Variants in REXO2 observed in about 807,000 individuals in gnomAD.
REXO2 encodes the protein RNA exonuclease 2, also known as oligoribonuclease, mitochondrial.
A neutral mutation model predicts 30.9 loss-of-function variants in REXO2; 17 were observed. The observed-to-expected ratio is 0.55, with a 90% CI of 0.38 to 0.82. The LOEUF is 0.82. Ranked by LOEUF, REXO2 falls within the 40% of genes least tolerant of loss-of-function variation. The pLI is 0.00. For synonymous variants in REXO2, 105 were observed against 99.6 expected, an observed-to-expected ratio of 1.05 and a Z score of -0.32; for missense variants, 253 against 293.2, an observed-to-expected ratio of 0.86 and a Z score of 1.00.
chr11:114,440,557 A>G (rs984043345), intron 1 of REXO2, 99 bp from the exon 2 acceptor site: 8 of 882,960 alleles, frequency 9.1e-6, no homozygotes, highest in Admixed American at 4.1e-5. Context: ...TATGGATTAC[A>G]AGCTGACTAT....
Position 114,450,089 on chromosome 11 carries a change from G to T in REXO2, c.*114G>T. ...TTCGGTTAACTTGCATCTCCAGATT[G>T]ATTACTCAAGCAGACAGCACACGAA... On this transcript the variant is annotated 3_prime_UTR_variant, in exon 7 of 7. Transcript: ENST00000265881. 1 of 1,046,862 alleles carries T rather than the reference G, an allele frequency of 9.6e-7. No homozygotes were observed. The allele number at this position is 1,046,862 out of a possible 1,614,324, so 64.8% of individuals were successfully genotyped here. A position where few individuals can be genotyped will look rare whatever the true frequency, so the allele number is the denominator to read the frequency against.
At chr11:114,441,209 T>A (rs988809345) in intron 2 of REXO2, among the ~76,000 whole-genome samples, 2 of 152,190 alleles carry the variant, frequency 1.3e-5, no homozygotes, top group African/African-American at 2.4e-5. Flanking sequence ...AAGGTGCTCC[T>A]AACAAGTAGG....
At chr11:114,447,787 G>T in intron 5 of REXO2, 39 bp from the exon 6 acceptor site, 2 of 1,562,298 alleles carry the variant, frequency 1.3e-6, no homozygotes, top group South Asian at 1.1e-5. Flanking sequence ...GTATATTTGA[G>T]ACAGCTTCCT....
chr11:114,440,930 A>G (rs1946472977), intron 2 of REXO2, 191 bp downstream of exon 2: 4 of 438,906 alleles, frequency 9.1e-6, no homozygotes, highest in Non-Finnish European at 8.0e-6. Flanking sequence ...AAAATTAAAA[A>G]TTAAACATTA....
At position 114,440,999 on chromosome 11, in the gene REXO2, G is replaced by A. The variant is rs946159760; in HGVS notation, c.231+260G>A. 8 of 337,646 alleles carry A rather than the reference G, an allele frequency of 2.4e-5. No individual in the cohort carries two copies. In the South Asian group the frequency reaches 3.0e-4, roughly 13 times the overall value. 20.9% of individuals were successfully genotyped at this position (337,646 alleles called of 1,614,324 possible). Reference sequence around the variant, plus strand: ...ACATAAATTCTGTCGTTTACTGAGCGCTTACTGTATGCCAGCTACAGTTTC... The same window carrying A: ...ACATAAATTCTGTCGTTTACTGAGCACTTACTGTATGCCAGCTACAGTTTC... On this transcript the variant is annotated intron_variant, in intron 2 of 6. Transcript: ENST00000265881.
chr11:114,442,004 G>T, intron 2 of REXO2: 1 of 535,092 alleles, frequency 1.9e-6, no homozygotes, highest in East Asian at 3.0e-5. Context: ...GAAGAAGAGT[G>T]TTTCCTTTAG....
chr11:114,449,764 G>T (rs774900706), intron 6 of REXO2, 82 bp from the exon 7 acceptor site: 2 of 1,448,896 alleles, frequency 1.4e-6, no homozygotes, highest in Admixed American at 2.3e-5. Flanking sequence ...TTCTTAAGTC[G>T]TTTTTTAAAA....
intron 2 of REXO2, among the ~76,000 whole-genome samples, chr11:114,443,026 A>G (rs1034649318): frequency 4.6e-5 from 7 of 152,090 alleles, no homozygotes; most frequent in African/African-American, 9.7e-5. Context: ...GTTTATATAA[A>G]TGCGTGTTTT....
In REXO2 at chr11:114,439,484, C is replaced by T; in HGVS notation, c.-45C>T. On this transcript the variant is annotated 5_prime_UTR_variant, in exon 1 of 7. Coordinates refer to ENST00000265881, the MANE Select transcript of REXO2 (RefSeq NM_015523.4). ...CGTTTAGCGACTATTGCGCCTGCGC[C>T]AGCGCCGGCTGCGAGACTGGGGCCG... 1.3e-6 allele frequency: 2 copies of T among 1,594,182 alleles called. No individual in the cohort carries two copies. Among genetic ancestry groups the T allele is most frequent in the Non-Finnish European group, 1.7e-6 (2 of 1,176,716 alleles).
chr11:114,444,730 C>A, intron 4 of REXO2, 78 bp downstream of exon 4: 1 of 833,646 alleles, frequency 1.2e-6, no homozygotes, highest in Non-Finnish European at 1.7e-6. Flanking sequence ...GAAAGACTAG[C>A]CGAGCCCATC....
chr11:114,442,284 G>A (rs1029788874), intron 2 of REXO2, among the ~76,000 whole-genome samples: 1 of 152,080 alleles, frequency 6.6e-6, no homozygotes, highest in East Asian at 1.9e-4. Flanking sequence ...TTTTTCTGTA[G>A]GTGTGGTCCC....
In REXO2 at chr11:114,440,865, T is replaced by C. The variant is rs199757664; in HGVS notation, c.231+126T>C. 1.0e-4 allele frequency: 66 copies of C among 649,276 alleles called. 1 individual carries two copies. In the East Asian group the frequency reaches 1.8e-3, roughly 18 times the overall value. 40.2% of individuals were successfully genotyped at this position (649,276 alleles called of 1,614,324 possible). On this transcript the variant is annotated intron_variant, in intron 2 of 6. Coordinates refer to ENST00000265881, the MANE Select transcript of REXO2 (RefSeq NM_015523.4). Reference sequence around the variant, plus strand: ...GTCTATATGGGTTAAGGTAATGTGCTAGGTCATGGTAGGGGTGGTACTAGA... The same window carrying C: ...GTCTATATGGGTTAAGGTAATGTGCCAGGTCATGGTAGGGGTGGTACTAGA...
intron 2 of REXO2, chr11:114,441,056 T>C (rs1946474316): frequency 4.8e-6 from 1 of 206,286 alleles, no homozygotes; most frequent in Non-Finnish European, 9.6e-6. Flanking sequence ...TTCTTAGTTC[T>C]CACAGCAACT....
rs556436785 is a variant in REXO2, at chr11:114,450,207, A to G, written c.*232A>G. The G allele has an allele frequency of 3.8e-6, 1 of 260,794 alleles. No individual in the cohort carries two copies. Among genetic ancestry groups the G allele is most frequent in the East Asian group, 8.8e-5 (1 of 11,376 alleles). 16.2% of individuals were successfully genotyped at this position (260,794 alleles called of 1,614,324 possible). A position where few individuals can be genotyped will look rare whatever the true frequency, so the allele number is the denominator to read the frequency against. On this transcript the variant is annotated 3_prime_UTR_variant, in exon 7 of 7. Transcript: ENST00000265881. ...TGTCCATCCCTTGGTACATATATGC[A>G]TTTGCTTTTAAACCATTTCTTTTGT...
In REXO2 at chr11:114,444,537, G is replaced by A; in HGVS notation, c.310-4G>A. 6.3e-7 allele frequency: 1 copy of A among 1,598,594 alleles called. No individual in the cohort carries two copies. Among genetic ancestry groups the A allele is most frequent in the Non-Finnish European group, 8.5e-7 (1 of 1,170,290 alleles). On this transcript the variant is annotated splice_polypyrimidine_tract_variant and splice_region_variant and intron_variant, in intron 3 of 6. Transcript: ENST00000265881. Reference sequence around the variant, plus strand: ...GGTGGGGGGCTGGGGATTCTCTCTTGCAGTCTGGCCTTACCAAGGCAGTGA... The same window carrying A: ...GGTGGGGGGCTGGGGATTCTCTCTTACAGTCTGGCCTTACCAAGGCAGTGA...
intron 2 of REXO2, chr11:114,441,785 T>A: frequency 1.4e-6 from 1 of 702,244 alleles, no homozygotes; most frequent in Non-Finnish European, 2.6e-6. Flanking sequence ...AATGACTGCG[T>A]TTGTGGAGTA....
chr11:114,447,826 A>G lies in REXO2; in HGVS notation c.531A>G (p.Arg177=), dbSNP rs558359769. ...AGAGTTCCATTTCTGCTGTGTATAG[A>G]CGCTGGTATCCAGAAGAATATGAAT... ...IDVSTVKELC[R]RWYPEEYEFA... Residue 177 remains arginine, a splice_region_variant and synonymous_variant, in exon 6 of 7, where the codon AGA becomes AGG. Coordinates refer to ENST00000265881, the MANE Select transcript of REXO2 (RefSeq NM_015523.4). 1 of 1,613,322 alleles carries G rather than the reference A, an allele frequency of 6.2e-7. No homozygotes were observed. The highest frequency in any genetic ancestry group is 2.2e-5 in the East Asian group (1 of 44,864).
At chr11:114,440,202 A>G (rs1946466801) in intron 1 of REXO2, 1 of 452,234 alleles carries the variant, frequency 2.2e-6, no homozygotes, top group Middle Eastern at 3.3e-4. Flanking sequence ...CTATCCCTTC[A>G]GGCTTTCCAT....
At chr11:114,443,089 T>A (rs1565270532) in intron 2 of REXO2, among the ~76,000 whole-genome samples, 1 of 151,988 alleles carries the variant, frequency 6.6e-6, no homozygotes, top group Non-Finnish European at 1.5e-5. Flanking sequence ...GTTTTGCAAT[T>A]GTTTTTTTCA....
Sources: gnomAD v4.1 joint callset for allele counts (sites outside exome capture counted in the v4.1 genomes callset) on GRCh38, gnomAD v4.1.1 for gene constraint, MANE v1.5 for transcripts, NCBI Gene and HGNC (gene_info 2026-07-23, HGNC 2026-07-21) for gene names.